The following ENTPD1 variants were observed in gnomAD, a reference collection of about 807,000 sequenced individuals.
ENTPD1 encodes the protein ectonucleoside triphosphate diphosphohydrolase 1.
Under a neutral mutation model 57.0 loss-of-function variants are expected in ENTPD1, and 33 were observed. The observed-to-expected ratio is 0.58, with a 90% confidence interval of 0.44 to 0.77. The LOEUF is 0.77. Ranked by LOEUF, ENTPD1 falls within the 30% of genes least tolerant of loss-of-function variation. The probability of loss-of-function intolerance (pLI) is 0.00; values close to 1 mark genes in which losing one functional copy is unlikely to be tolerated. For missense variants in ENTPD1, 501 were observed against 603.4 expected (o/e 0.83, Z 1.78); for synonymous variants, 202 against 218.8 (o/e 0.92, Z 0.68).
At position 95,869,241 on chromosome 10, in the gene ENTPD1, C is replaced by CTTTTTTT. The variant is rs11312564; in HGVS notation, c.*2878_*2884dup. 4 of 629,798 alleles carry CTTTTTTT rather than the reference C, an allele frequency of 6.4e-6. 2 individuals carry two copies. The highest frequency in any genetic ancestry group is 3.7e-6 in the Non-Finnish European group (2 of 542,294). 39.0% of individuals were successfully genotyped at this position (629,798 alleles called of 1,614,324 possible). On this transcript the variant is annotated 3_prime_UTR_variant, in exon 10 of 10. Transcript: ENST00000371205. The stretch of plus-strand genomic sequence containing the variant: ...GAAAAAAGATCAGCAGAAGTCATTA[C>CTTTTTTT]TTTTTTTTTTTTTTTTTTTTTTTTT...
At chr10:95,775,403 G>A (rs1029869409) in intron 1 of ENTPD1, among the ~76,000 whole-genome samples, 1 of 152,158 alleles carries the variant, frequency 6.6e-6, no homozygotes, top group African/African-American at 2.4e-5. Flanking sequence ...TCTCTGTCTT[G>A]TGCCAGTTTT....
intron 1 of ENTPD1, among the ~76,000 whole-genome samples, chr10:95,713,033 TA>T (rs1555272407): frequency 0.37 from 52,883 of 142,924 alleles, 10,909 homozygotes; most frequent in Admixed American, 0.48. Context: ...GATTCTGTCT[TA>T]AAAAAAAAAA....
chr10:95,787,796 A>G (rs1409049318), intron 1 of ENTPD1, among the ~76,000 whole-genome samples: 1 of 152,204 alleles, frequency 6.6e-6, no homozygotes, highest in Non-Finnish European at 1.5e-5. Context: ...AAAACAGTAC[A>G]GTTCTTACCA....
intron 1 of ENTPD1, among the ~76,000 whole-genome samples, chr10:95,720,974 A>T (rs2097976747): frequency 6.6e-6 from 1 of 152,050 alleles, no homozygotes; most frequent in Non-Finnish European, 1.5e-5. Flanking sequence ...ATTATAAAAA[A>T]CCGAGGTTGC....
At chr10:95,795,635 G>A (rs975641660) in intron 1 of ENTPD1, among the ~76,000 whole-genome samples, 4 of 152,088 alleles carry the variant, frequency 2.6e-5, no homozygotes, top group Admixed American at 6.6e-5. Context: ...ACCTAAATAA[G>A]TTACGTCTTT....
At chr10:95,755,853 A>T (rs1400924030), upstream of ENTPD1, 1 of 1,514,694 alleles carries the variant, frequency 6.6e-7, no homozygotes, top group Non-Finnish European at 8.9e-7. Flanking sequence ...TTCAAGGGAG[A>T]AAAAGGGATT....
intron 1 of ENTPD1, among the ~76,000 whole-genome samples, chr10:95,782,574 A>G (rs2098162088): frequency 6.6e-6 from 1 of 152,182 alleles, no homozygotes; most frequent in South Asian, 2.1e-4. Flanking sequence ...AACCTGGTAA[A>G]AACAACCCAG....
intron 1 of ENTPD1, among the ~76,000 whole-genome samples, chr10:95,720,177 C>T (rs2139824634): frequency 6.6e-6 from 1 of 152,166 alleles, no homozygotes; most frequent in South Asian, 2.1e-4. Context: ...GGGGGTACTG[C>T]CTTTGGTAGG....
chr10:95,806,284 G>A (rs910806493), intron 1 of ENTPD1, among the ~76,000 whole-genome samples: 5 of 152,082 alleles, frequency 3.3e-5, no homozygotes, highest in African/African-American at 7.2e-5. Context: ...TGATCGAATC[G>A]GCTAATGAAG....
chr10:95,695,165 A>C, the ENTPD1 span, among the ~76,000 whole-genome samples: 1 of 152,134 alleles, frequency 6.6e-6, no homozygotes, highest in African/African-American at 2.4e-5. Flanking sequence ...TGGCCTCCTA[A>C]AGTGCTGGGA....
intron 1 of ENTPD1, among the ~76,000 whole-genome samples, chr10:95,735,303 G>A (rs1250220624): frequency 6.6e-6 from 1 of 152,134 alleles, no homozygotes; most frequent in Admixed American, 6.5e-5. Flanking sequence ...ATAGACGTGA[G>A]CCATCATGCC....
chr10:95,845,685 TTGTC>T, intron 6 of ENTPD1, 89 bp downstream of exon 6: 1 of 1,609,898 alleles, frequency 6.2e-7, no homozygotes, highest in Non-Finnish European at 8.5e-7. Context: ...ATTCAGTAGT[TTGTC>T]TGAACTTGGT....
At chr10:95,703,734 A>T in the ENTPD1 span, among the ~76,000 whole-genome samples, 8 of 144,924 alleles carry the variant, frequency 5.5e-5, no homozygotes, top group South Asian at 1.7e-3. Context: ...GTGAGCTGAG[A>T]TCGTGCCACT....
chr10:95,839,852 G>A (rs747635896), intron 3 of ENTPD1, 44 bp downstream of exon 3: 2 of 1,578,186 alleles, frequency 1.3e-6, no homozygotes, highest in Non-Finnish European at 1.7e-6. Context: ...AGTGGGGCAT[G>A]AGAACATGAG....
intron 1 of ENTPD1, among the ~76,000 whole-genome samples, chr10:95,794,237 G>C (rs2098217286): frequency 1.3e-5 from 2 of 152,014 alleles, no homozygotes; most frequent in Admixed American, 1.3e-4. Flanking sequence ...AAGAATCACA[G>C]AGGCCAAAAA....
chr10:95,868,224 C>A lies in ENTPD1; in HGVS notation c.*1841C>A. On this transcript the variant is annotated 3_prime_UTR_variant, in exon 10 of 10. Transcript: ENST00000371205. ...GAGCCAAAGCCTACCATGTACCTAA[C>A]CTTTATTTTCTTTCCCGAACATACC... 1 of 985,460 alleles carries A rather than the reference C, an allele frequency of 1.0e-6. No individual in the cohort carries two copies. The allele number at this position is 985,460 out of a possible 1,614,324, so 61.0% of individuals were successfully genotyped here.
intron 1 of ENTPD1, among the ~76,000 whole-genome samples, chr10:95,749,250 C>T (rs11188466): frequency 0.073 from 11,159 of 152,196 alleles, 452 homozygotes; most frequent in African/African-American, 0.097. Flanking sequence ...GCTATTATCC[C>T]CCTTGTGTGT....
chr10:95,859,793 A>G (rs1281577792), intron 7 of ENTPD1, among the ~76,000 whole-genome samples: 2 of 152,358 alleles, frequency 1.3e-5, no homozygotes, highest in Admixed American at 6.5e-5. Flanking sequence ...CCTATATACT[A>G]TATTGAATAG....
intron 1 of ENTPD1, among the ~76,000 whole-genome samples, chr10:95,717,783 C>T (rs574246432): frequency 2.6e-5 from 4 of 152,188 alleles, no homozygotes; most frequent in African/African-American, 7.2e-5. Context: ...TGATAGGGGT[C>T]GTGCAGTTGA....
Sources: allele counts gnomAD v4.1 joint callset (sites outside exome capture counted in the v4.1 genomes callset), GRCh38; gene constraint gnomAD v4.1.1; transcripts MANE v1.5; gene names NCBI Gene and HGNC (gene_info 2026-07-23, HGNC 2026-07-21).